The following AGAP1 variants were observed in gnomAD, a reference collection of about 807,000 sequenced individuals.
The protein encoded by AGAP1 is ArfGAP with GTPase domain, ankyrin repeat and PH domain 1, also known as arf-GAP with GTPase, ANK repeat and PH domain-containing protein 1.
A neutral mutation model predicts 105.3 loss-of-function variants in AGAP1; 29 were observed. The observed-to-expected ratio is 0.28, with a 90% CI of 0.21 to 0.38. The LOEUF is 0.38. Ranked by LOEUF, AGAP1 falls within the 10% of genes least tolerant of loss-of-function variation. AGAP1 has a pLI of 1.00. For synonymous variants in AGAP1, 509 were observed against 485.9 expected, an observed-to-expected ratio of 1.05 and a Z score of -0.63; for missense variants, 998 against 1,165.1, an observed-to-expected ratio of 0.86 and a Z score of 2.09.
At chr2:236,039,222 A>G (rs2057474883) in intron 14 of AGAP1, among the ~76,000 whole-genome samples, 1 of 152,164 alleles carries the variant, frequency 6.6e-6, no homozygotes, top group African/African-American at 2.4e-5. Flanking sequence ...AGGTGGGAGG[A>G]TCACTTGAGG....
In AGAP1 at chr2:235,980,679, T is replaced by C. The variant is rs114569248; in HGVS notation, c.1645+12056T>C. Among the ~76,000 whole-genome samples the C allele has an allele frequency of 6.6e-3, 1,010 of 152,276 alleles. 11 individuals carry two copies. The highest frequency in any genetic ancestry group is 0.023 in the African/African-American group (966 of 41,544). On this transcript the variant is annotated intron_variant, in intron 13 of 17. Coordinates refer to ENST00000304032, the MANE Select transcript of AGAP1 (RefSeq NM_001037131.3). ...CATAAAAGCATTAATTATCTAAAGA[T>C]CTTTTCATCTGCAGGAAAATAGGCA...
At position 236,005,920 on chromosome 2, in the gene AGAP1, C is replaced by G. The variant is rs2056306529; in HGVS notation, c.1646-30641C>G. ...TCTGCTGTAAAGTCATTGTGCCCCT[C>G]CACAGCCCATACTGAACTTTTGGAA... On this transcript the variant is annotated intron_variant, in intron 13 of 17. Coordinates refer to ENST00000304032, the MANE Select transcript of AGAP1 (RefSeq NM_001037131.3). This position sits in a 1 kb window ranked among gnomAD's most constrained non-coding sequence, Gnocchi z 4.1. Among the ~76,000 whole-genome samples the G allele has an allele frequency of 6.6e-6, 1 of 152,210 alleles. No individual in the cohort carries two copies. Among genetic ancestry groups the G allele is most frequent in the African/African-American group, 2.4e-5 (1 of 41,454 alleles).
At chr2:235,532,833 C>T (rs12997371) in intron 1 of AGAP1, among the ~76,000 whole-genome samples, 20,165 of 152,114 alleles carry the variant, frequency 0.13, 1,512 homozygotes, top group East Asian at 0.3. Context: ...TCCTGGCAGC[C>T]GGTGCATGGC....
chr2:235,916,449 G>A (rs1047326373), intron 11 of AGAP1, among the ~76,000 whole-genome samples: 4 of 152,230 alleles, frequency 2.6e-5, no homozygotes, highest in Admixed American at 2.6e-4. Flanking sequence ...TGGTGAAGCT[G>A]TATCCACATG....
intron 1 of AGAP1, chr2:235,670,054 G>T (rs1948294579): frequency 2.8e-5 from 11 of 389,580 alleles, no homozygotes; most frequent in South Asian, 6.7e-5. Context: ...CGCCCTCCCG[G>T]CCCGCGGGCT....
At position 235,855,910 on chromosome 2, in the gene AGAP1, A is replaced by G. The variant is rs922602539; in HGVS notation, c.1051-27435A>G. Among the ~76,000 whole-genome samples, 1 of 150,974 alleles carries G rather than the reference A, an allele frequency of 6.6e-6. No homozygotes were observed. Among genetic ancestry groups the G allele is most frequent in the East Asian group, 1.9e-4 (1 of 5,184 alleles). Reference sequence around the variant, plus strand: ...AAGTACTGAGAATATTATTATTATCATTATTATTATTATTTTCTTTTGAGA... The same window carrying G: ...AAGTACTGAGAATATTATTATTATCGTTATTATTATTATTTTCTTTTGAGA... On this transcript the variant is annotated intron_variant, in intron 9 of 17. Transcript: ENST00000304032. This position sits in a 1 kb window ranked among gnomAD's most constrained non-coding sequence, Gnocchi z 5.0.
At chr2:235,978,235 AC>A (rs951980206) in intron 13 of AGAP1, among the ~76,000 whole-genome samples, 3 of 152,184 alleles carry the variant, frequency 2.0e-5, no homozygotes, top group African/African-American at 7.2e-5. Context: ...AGTCTGTAGG[AC>A]CATTCTACTT....
At chr2:235,768,501 A>G (rs956764928) in intron 6 of AGAP1, among the ~76,000 whole-genome samples, 2 of 152,242 alleles carry the variant, frequency 1.3e-5, no homozygotes, top group Non-Finnish European at 2.9e-5. Context: ...ATTTCATCAG[A>G]GCGGAGAGCC....
intron 9 of AGAP1, among the ~76,000 whole-genome samples, chr2:235,860,116 A>G (rs1293828270): frequency 1.3e-5 from 2 of 152,196 alleles, no homozygotes; most frequent in African/African-American, 2.4e-5. Flanking sequence ...TTTAACTTGT[A>G]TCTTACACTG....
Position 235,904,309 on chromosome 2 carries a change from G to A in AGAP1, c.1156-4429G>A, listed in dbSNP as rs113227248. On this transcript the variant is annotated intron_variant, in intron 10 of 17. Transcript: ENST00000304032. This position sits in a 1 kb window ranked among gnomAD's most constrained non-coding sequence, Gnocchi z 4.2. ...CAGTTACCGAGCAATTGGCGGGTTC[G>A]GAAACAGGTCCCTTTGCTCTGGCGC... is the stretch of plus-strand genomic sequence containing the variant. Among the ~76,000 whole-genome samples, 10 of 152,250 alleles carry A rather than the reference G, an allele frequency of 6.6e-5. No homozygotes were observed. The highest frequency in any genetic ancestry group is 6.5e-5 in the Admixed American group (1 of 15,286).
intron 1 of AGAP1, among the ~76,000 whole-genome samples, chr2:235,527,349 A>G (rs567098334): frequency 6.6e-6 from 1 of 152,288 alleles, no homozygotes; most frequent in Non-Finnish European, 1.5e-5. Context: ...GGGCTGTTCT[A>G]TTATTTGGAA....
chr2:235,541,327 A>G (rs1574806592), intron 1 of AGAP1, among the ~76,000 whole-genome samples: 1 of 137,136 alleles, frequency 7.3e-6, no homozygotes. Context: ...TCCACTCCCA[A>G]CCCCCTTCCT....
intron 1 of AGAP1, among the ~76,000 whole-genome samples, chr2:235,694,541 G>A (rs891613740): frequency 1.3e-5 from 2 of 151,622 alleles, no homozygotes; most frequent in African/African-American, 4.8e-5. Context: ...ACAGCTCCTC[G>A]GGAGGCTGAG....
At chr2:235,607,836 G>C (rs7564374) in intron 1 of AGAP1, among the ~76,000 whole-genome samples, 1 of 151,970 alleles carries the variant, frequency 6.6e-6, no homozygotes, top group Admixed American at 6.5e-5. Context: ...ATCGGGGAAC[G>C]TTCTTTGAGG....
At chr2:235,573,607 T>C (rs1402415882) in intron 1 of AGAP1, among the ~76,000 whole-genome samples, 1 of 152,200 alleles carries the variant, frequency 6.6e-6, no homozygotes, top group African/African-American at 2.4e-5. Flanking sequence ...ATTTAAGTGA[T>C]GTGATAATAG....
intron 1 of AGAP1, among the ~76,000 whole-genome samples, chr2:235,606,152 G>T: frequency 6.6e-6 from 1 of 152,248 alleles, no homozygotes; most frequent in East Asian, 1.9e-4. Flanking sequence ...CCGGTGAGAA[G>T]TAAGGCATCT....
chr2:235,763,659 GTTCTCCAGC>G (rs1954655424), intron 6 of AGAP1, among the ~76,000 whole-genome samples: 1 of 152,132 alleles, frequency 6.6e-6, no homozygotes, highest in African/African-American at 2.4e-5. Flanking sequence ...CTAATTCAGC[GTTCTCCAGC>G]AGCTGCCCTT....
chr2:235,857,898 C>A (rs2048755756), intron 9 of AGAP1, among the ~76,000 whole-genome samples: 1 of 152,162 alleles, frequency 6.6e-6, no homozygotes, highest in African/African-American at 2.4e-5. Context: ...ATGTTTTTTG[C>A]CACACTGTCT....
chr2:235,757,639 C>T (rs77216152), intron 6 of AGAP1, among the ~76,000 whole-genome samples: 6,901 of 152,226 alleles, frequency 0.045, 535 homozygotes, highest in African/African-American at 0.15. Flanking sequence ...AGTAACGGCT[C>T]ACCTGGGCCT....
Sources: allele counts gnomAD v4.1 joint callset (sites outside exome capture counted in the v4.1 genomes callset), GRCh38; gene constraint gnomAD v4.1.1; non-coding constraint Gnocchi (gnomAD v3.1); transcripts MANE v1.5; gene names NCBI Gene and HGNC (gene_info 2026-07-23, HGNC 2026-07-21).